The following SLC35F1 variants were observed in gnomAD, a reference collection of about 807,000 sequenced individuals.
The protein encoded by SLC35F1 is solute carrier family 35 member F1.
In SLC35F1, 14 loss-of-function variants were observed where a neutral mutation model predicts 48.7. The ratio of observed to expected loss-of-function variants is 0.29; its 90% confidence interval spans 0.19 to 0.45. SLC35F1 has a LOEUF of 0.45. Among genes scored for constraint, SLC35F1 ranks in the 20% least tolerant of loss-of-function variants. SLC35F1 has a pLI of 1.00. For synonymous variants in SLC35F1, 190 were observed against 202.2 expected (o/e 0.94, Z 0.51); for missense variants, 404 against 500.0 (o/e 0.81, Z 1.83).
chr6:118,218,004 C>T lies in SLC35F1; in HGVS notation c.350-17505C>T, dbSNP rs555177710. Among the ~76,000 whole-genome samples, 4 of 152,278 alleles carry T rather than the reference C, an allele frequency of 2.6e-5. No individual in the cohort carries two copies. In the South Asian group the frequency reaches 6.2e-4, roughly 24 times the overall value. On this transcript the variant is annotated intron_variant, in intron 2 of 7. Transcript: ENST00000360388. ...TGTAGGACAGATGGCATGGTATAGA[C>T]GGCAGGTCCACAGACTGGATGGATG...
chr6:118,059,722 T>C (rs1772510421), intron 1 of SLC35F1, among the ~76,000 whole-genome samples: 1 of 152,098 alleles, frequency 6.6e-6, no homozygotes, highest in Admixed American at 6.6e-5. Flanking sequence ...GAAGCAAAAT[T>C]CACCACTTCC....
chr6:117,911,749 C>T (rs1775766538), intron 1 of SLC35F1, among the ~76,000 whole-genome samples: 1 of 152,010 alleles, frequency 6.6e-6, no homozygotes, highest in Non-Finnish European at 1.5e-5. Flanking sequence ...CCTGGCCTTC[C>T]CTTATTTCTT....
At position 118,298,836 on chromosome 6, in the gene SLC35F1, T is replaced by C. The variant is rs77408936; in HGVS notation, c.1002+13498T>C. ...AATTTGGCTGGTTTTGACTTCAGAG[T>C]TCATTCCCTTAAGCACTGCTCTCCT... On this transcript the variant is annotated intron_variant, in intron 7 of 7. Coordinates refer to ENST00000360388, the MANE Select transcript of SLC35F1 (RefSeq NM_001029858.4). Among the ~76,000 whole-genome samples, 781 of 152,318 alleles carry C rather than the reference T, an allele frequency of 5.1e-3. 9 individuals are homozygous for C. The highest frequency in any genetic ancestry group is 0.018 in the African/African-American group (749 of 41,572).
chr6:118,257,690 T>C (rs1169077765), intron 3 of SLC35F1, among the ~76,000 whole-genome samples: 2 of 152,118 alleles, frequency 1.3e-5, no homozygotes, highest in African/African-American at 4.8e-5. Context: ...AAACAGAACA[T>C]GTAGTATTTT....
intron 1 of SLC35F1, among the ~76,000 whole-genome samples, chr6:118,100,080 T>C (rs760482095): frequency 2.6e-5 from 4 of 152,180 alleles, no homozygotes; most frequent in Non-Finnish European, 1.5e-5. Flanking sequence ...TTATACTCTC[T>C]TTATAAGTGA....
intron 1 of SLC35F1, among the ~76,000 whole-genome samples, chr6:117,951,896 A>T (rs1162625555): frequency 1.3e-5 from 2 of 152,208 alleles, no homozygotes; most frequent in Admixed American, 1.3e-4. Flanking sequence ...GCCTAAAGCT[A>T]TCCATTAAGC....
chr6:118,099,539 A>G lies in SLC35F1; in HGVS notation c.174-54906A>G, dbSNP rs73514594. ...CTCTCTCCTCCCTCCTGTTCCCCCCAAGAATTCCTATACTCAGTGGTTACC... is the reference window on the plus strand; with the variant it reads ...CTCTCTCCTCCCTCCTGTTCCCCCCGAGAATTCCTATACTCAGTGGTTACC... On this transcript the variant is annotated intron_variant, in intron 1 of 7. Coordinates refer to ENST00000360388, the MANE Select transcript of SLC35F1 (RefSeq NM_001029858.4). Among the ~76,000 whole-genome samples, 536 of 142,220 alleles carry G rather than the reference A, an allele frequency of 3.8e-3. 6 individuals carry two copies. The highest frequency in any genetic ancestry group is 0.014 in the African/African-American group (516 of 37,762). 93.3% of individuals were successfully genotyped at this position (142,220 alleles called of 152,430 possible). A position where few individuals can be genotyped will look rare whatever the true frequency, so the allele number is the denominator to read the frequency against.
At chr6:118,046,974 A>G (rs946518782) in intron 1 of SLC35F1, among the ~76,000 whole-genome samples, 1 of 151,920 alleles carries the variant, frequency 6.6e-6, no homozygotes, top group Non-Finnish European at 1.5e-5. Context: ...AAAAAATCAT[A>G]TTTAGTCTTC....
chr6:118,236,300 C>A (rs1775364686), intron 3 of SLC35F1, among the ~76,000 whole-genome samples: 1 of 152,092 alleles, frequency 6.6e-6, no homozygotes, highest in East Asian at 1.9e-4. Context: ...TTTTGACAGA[C>A]ATATATATTC....
chr6:118,119,931 C>A (rs917789434), intron 1 of SLC35F1, among the ~76,000 whole-genome samples: 3 of 152,250 alleles, frequency 2.0e-5, no homozygotes, highest in African/African-American at 7.2e-5. Flanking sequence ...GTGAAAACAG[C>A]CACTTAAGAC....
At chr6:118,005,216 C>G (rs1276627166) in intron 1 of SLC35F1, among the ~76,000 whole-genome samples, 1 of 151,954 alleles carries the variant, frequency 6.6e-6, no homozygotes, top group Non-Finnish European at 1.5e-5. Flanking sequence ...GCGTGTGTGC[C>G]TGCTCACATG....
At chr6:118,029,197 A>C (rs1772004439) in intron 1 of SLC35F1, among the ~76,000 whole-genome samples, 1 of 152,088 alleles carries the variant, frequency 6.6e-6, no homozygotes, top group African/African-American at 2.4e-5. Flanking sequence ...AACATACAGA[A>C]AAAGCAACTA....
At chr6:118,089,527 A>G (rs1438852697) in intron 1 of SLC35F1, among the ~76,000 whole-genome samples, 1 of 152,206 alleles carries the variant, frequency 6.6e-6, no homozygotes, top group Admixed American at 6.5e-5. Flanking sequence ...ATTTTTTATG[A>G]TACACTCTCA....
intron 1 of SLC35F1, among the ~76,000 whole-genome samples, chr6:118,030,780 C>T (rs1772033937): frequency 6.6e-6 from 1 of 152,130 alleles, no homozygotes; most frequent in South Asian, 2.1e-4. Flanking sequence ...TATAGCTGTT[C>T]TCTCTTTGAA....
intron 2 of SLC35F1, among the ~76,000 whole-genome samples, chr6:118,162,531 G>A (rs1396677305): frequency 6.6e-6 from 1 of 152,118 alleles, no homozygotes; most frequent in Non-Finnish European, 1.5e-5. Flanking sequence ...TATCTAAGTT[G>A]TACTTCAATG....
intron 1 of SLC35F1, among the ~76,000 whole-genome samples, chr6:117,911,879 G>A (rs752863928): frequency 5.9e-5 from 9 of 152,182 alleles, no homozygotes; most frequent in Non-Finnish European, 2.9e-5. Flanking sequence ...AGATTTCTTA[G>A]ACACATACAG....
intron 4 of SLC35F1, among the ~76,000 whole-genome samples, chr6:118,272,737 G>GTGTGTGTATATATATATATA (rs201515909): frequency 1.7e-5 from 2 of 120,266 alleles, no homozygotes; most frequent in African/African-American, 6.4e-5. Context: ...ATATGTGTGT[G>GTGTGTGTATATATATATATA]TATATATATA....
intron 1 of SLC35F1, among the ~76,000 whole-genome samples, chr6:117,938,332 T>G (rs1468902143): frequency 6.6e-6 from 1 of 152,258 alleles, no homozygotes; most frequent in Admixed American, 6.5e-5. Context: ...CTTATGATTT[T>G]GGTTAATACT....
chr6:118,239,069 C>CTCTCTCTCG (rs1775403486), intron 3 of SLC35F1, among the ~76,000 whole-genome samples: 1 of 151,806 alleles, frequency 6.6e-6, no homozygotes, highest in South Asian at 2.1e-4. Flanking sequence ...GTCTCTCTCT[C>CTCTCTCTCG]TCTCTCTCGT....
Sources: allele counts gnomAD v4.1 joint callset (sites outside exome capture counted in the v4.1 genomes callset), GRCh38; gene constraint gnomAD v4.1.1; transcripts MANE v1.5; gene names NCBI Gene and HGNC (gene_info 2026-07-23, HGNC 2026-07-21).